The following PCDH7 variants were observed in gnomAD, a reference collection of about 807,000 sequenced individuals.
PCDH7 encodes protocadherin-7.
A neutral mutation model predicts 58.9 loss-of-function variants in PCDH7; 17 were observed. The observed-to-expected ratio is 0.29, with a 90% CI of 0.20 to 0.43. The LOEUF is 0.43. Among genes scored for constraint, PCDH7 ranks in the 20% least tolerant of loss-of-function variants. PCDH7 has a pLI of 1.00. For missense variants in PCDH7, 1,274 were observed against 1,441.0 expected (o/e 0.88, Z 1.88); for synonymous variants, 664 against 616.4 (o/e 1.08, Z -1.14).
At chr4:30,944,854 A>C (rs1445784009) in intron 2 of PCDH7, among the ~76,000 whole-genome samples, 1 of 152,184 alleles carries the variant, frequency 6.6e-6, no homozygotes, top group Admixed American at 6.5e-5. Context: ...GTAGGTTATT[A>C]GCTTTTATAA....
Position 31,059,019 on chromosome 4 carries a change from T to C in PCDH7, c.*8-83454T>C, listed in dbSNP as rs192754820. Reference sequence around the variant, plus strand: ...CAATACTTAAGAGAAATTGAAGCAATCTTTCCCTTATATGGAGAAACCTGA... The same window carrying C: ...CAATACTTAAGAGAAATTGAAGCAACCTTTCCCTTATATGGAGAAACCTGA... On this transcript the variant is annotated intron_variant, in intron 3 of 3. Transcript: ENST00000509759. 6.0e-3 allele frequency among the ~76,000 whole-genome samples: 914 copies of C among 152,148 alleles called. 6 individuals carry two copies. Among genetic ancestry groups the C allele is most frequent in the Non-Finnish European group, 0.011 (721 of 67,900 alleles).
chr4:30,944,557 T>A (rs953371226), intron 2 of PCDH7, among the ~76,000 whole-genome samples: 1 of 152,128 alleles, frequency 6.6e-6, no homozygotes, highest in Admixed American at 6.6e-5. Flanking sequence ...ACCCATTAAA[T>A]ATTTGATTGA....
At chr4:30,823,050 C>A (rs1435731007) in intron 1 of PCDH7, among the ~76,000 whole-genome samples, 1 of 152,258 alleles carries the variant, frequency 6.6e-6, no homozygotes, top group East Asian at 1.9e-4. Context: ...ATGAGCTTTG[C>A]ACGGATATTC....
chr4:30,968,288 C>CTATA (rs1560541185), intron 3 of PCDH7, among the ~76,000 whole-genome samples: 1 of 10,020 alleles, frequency 1.0e-4, no homozygotes, highest in African/African-American at 2.1e-3. Flanking sequence ...AAAAAAATTA[C>CTATA]TCTCTCTCTC....
chr4:30,797,257 T>TGTTTG (rs2109303326), intron 1 of PCDH7, among the ~76,000 whole-genome samples: 1 of 147,708 alleles, frequency 6.8e-6, no homozygotes, highest in South Asian at 2.2e-4. Context: ...TGTTTTGTTT[T>TGTTTG]GTTTGGTTTT....
At chr4:31,028,426 G>A (rs1316445802) in intron 3 of PCDH7, among the ~76,000 whole-genome samples, 1 of 152,076 alleles carries the variant, frequency 6.6e-6, no homozygotes, top group African/African-American at 2.4e-5. Context: ...TGAGGTAGTA[G>A]GACCTCTTAA....
intron 3 of PCDH7, among the ~76,000 whole-genome samples, chr4:31,034,500 C>T (rs1051130083): frequency 2.6e-5 from 4 of 152,126 alleles, no homozygotes; most frequent in African/African-American, 7.2e-5. Context: ...ATTCTGAAAA[C>T]ACATTTTTAC....
intron 1 of PCDH7, among the ~76,000 whole-genome samples, chr4:30,775,133 G>T (rs1340439748): frequency 3.9e-5 from 6 of 152,100 alleles, no homozygotes; most frequent in Non-Finnish European, 8.8e-5. Context: ...TTGATTTTGT[G>T]GTGTTAAAGG....
intron 3 of PCDH7, among the ~76,000 whole-genome samples, chr4:30,996,765 A>G (rs1412352926): frequency 6.6e-6 from 1 of 152,246 alleles, no homozygotes; most frequent in African/African-American, 2.4e-5. Flanking sequence ...ACAATTGATG[A>G]GAACAGTGCT....
At chr4:31,136,183 T>C (rs1466393229) in intron 3 of PCDH7, among the ~76,000 whole-genome samples, 4 of 152,200 alleles carry the variant, frequency 2.6e-5, no homozygotes, top group Admixed American at 6.5e-5. Context: ...GGAAAAAATC[T>C]CTACCTCCTT....
intron 2 of PCDH7, among the ~76,000 whole-genome samples, chr4:30,937,229 G>A (rs1249666401): frequency 6.6e-6 from 1 of 151,802 alleles, no homozygotes; most frequent in Non-Finnish European, 1.5e-5. Flanking sequence ...TTCCAAATAA[G>A]CAAAAAAACT....
At chr4:30,822,367 C>T (rs1208016086) in intron 1 of PCDH7, among the ~76,000 whole-genome samples, 1 of 152,128 alleles carries the variant, frequency 6.6e-6, no homozygotes, top group Non-Finnish European at 1.5e-5. Context: ...ATGCCACACG[C>T]CACATCCAGA....
rs1367054282 is a variant in PCDH7, at chr4:31,079,339, TATATATATATATATATATATATATAC to T, written c.*8-63132_*8-63107del. On this transcript the variant is annotated intron_variant, in intron 3 of 3. Transcript: ENST00000509759. Reference sequence around the variant, plus strand: ...ATATATATATATATATATATATATATATATATATATATATATATATATATACACCACATTTTCAAAATAGACAGAAT... The same window carrying T: ...ATATATATATATATATATATATATATACCACATTTTCAAAATAGACAGAAT... 2.7e-4 allele frequency among the ~76,000 whole-genome samples: 19 copies of T among 70,130 alleles called. 1 individual carries two copies. The highest frequency in any genetic ancestry group is 9.3e-4 in the South Asian group (2 of 2,140). The allele number at this position is 70,130 out of a possible 152,430, so 46.0% of individuals were successfully genotyped here.
At chr4:31,051,276 T>C (rs1756711095) in intron 3 of PCDH7, among the ~76,000 whole-genome samples, 1 of 152,080 alleles carries the variant, frequency 6.6e-6, no homozygotes, top group African/African-American at 2.4e-5. Context: ...GAACTGTGAG[T>C]TTCTTGAAGA....
chr4:31,056,488 A>AGAAAGAAAGAAAGAAAGAAAGAAG (rs1757223124), intron 3 of PCDH7, among the ~76,000 whole-genome samples: 1 of 136,668 alleles, frequency 7.3e-6, no homozygotes, highest in Non-Finnish European at 1.6e-5. Context: ...AAAGAAAGAA[A>AGAAAGAAAGAAAGAAAGAAAGAAG]GAAAGAAAGA....
intron 2 of PCDH7, among the ~76,000 whole-genome samples, chr4:30,938,481 T>C (rs997121837): frequency 5.4e-5 from 8 of 148,732 alleles, no homozygotes; most frequent in African/African-American, 1.7e-4. Context: ...GGGAAAAACA[T>C]ACACACACAC....
At chr4:31,111,230 T>A (rs1297224798) in intron 3 of PCDH7, among the ~76,000 whole-genome samples, 1 of 109,954 alleles carries the variant, frequency 9.1e-6, no homozygotes. Flanking sequence ...TAATTGGCAG[T>A]TAAAAATAAG....
intron 3 of PCDH7, among the ~76,000 whole-genome samples, chr4:31,090,369 G>A (rs967520291): frequency 6.6e-6 from 1 of 151,770 alleles, no homozygotes; most frequent in Non-Finnish European, 1.5e-5. Flanking sequence ...CTCACATCTG[G>A]GTAAATGGAT....
intron 3 of PCDH7, among the ~76,000 whole-genome samples, chr4:31,131,802 A>G (rs564380524): frequency 1.4e-4 from 22 of 152,322 alleles, no homozygotes; most frequent in African/African-American, 4.6e-4. Flanking sequence ...TTTGAATATG[A>G]TTTGAAAATA....
Sources: allele counts gnomAD v4.1 joint callset (sites outside exome capture counted in the v4.1 genomes callset), GRCh38; gene constraint gnomAD v4.1.1; transcripts MANE v1.5; gene names NCBI Gene and HGNC (gene_info 2026-07-23, HGNC 2026-07-21).